The following TTN variants were observed in gnomAD, a reference collection of about 807,000 sequenced individuals.
TTN encodes the protein titin.
TTN carries 1,525 observed loss-of-function variants against 3,223.0 expected under a neutral mutation model. That is an observed-to-expected ratio of 0.47 (90% CI 0.45 to 0.49). The LOEUF (loss-of-function observed/expected upper bound fraction) is 0.49, where lower values mean the gene tolerates loss of function less well. Ranked by LOEUF, TTN falls within the 20% of genes least tolerant of loss-of-function variation. The pLI, the probability that TTN is intolerant of heterozygous loss-of-function variation, is 0.00. For missense variants in TTN, 40,786 were observed against 43,424.0 expected, an observed-to-expected ratio of 0.94 and a Z score of 5.40; for synonymous variants, 14,094 against 15,161.0, an observed-to-expected ratio of 0.93 and a Z score of 5.17.
chr2:178,664,429 T>C, intron 168 of TTN, 31 bp downstream of exon 168: 1 of 1,545,424 alleles, frequency 6.5e-7, no homozygotes, highest in Non-Finnish European at 8.9e-7. Flanking sequence ...CCACCCACTA[T>C]CCCACCATAA....
chr2:178,627,543 G>A (rs2059222631), intron 240 of TTN, among the ~76,000 whole-genome samples: 1 of 151,910 alleles, frequency 6.6e-6, no homozygotes, highest in Non-Finnish European at 1.5e-5. Context: ...AAAGGCTAAG[G>A]TATTTCGGGT....
Position 178,749,683 on chromosome 2 carries a change from T to A in TTN, c.11311+3441A>T, listed in dbSNP as rs752168350. The A allele has an allele frequency of 3.1e-6, 5 of 1,613,012 alleles. No individual in the cohort carries two copies. In the South Asian group the frequency reaches 5.5e-5, roughly 18 times the overall value. ...CTGTTAGATCTGAAACACTTTCAAC[T>A]GCCCCTGAATTGTTTTCAGCAACAC... is the stretch of plus-strand genomic sequence containing the variant. On this transcript the variant is annotated intron_variant, in intron 47 of 362. Coordinates refer to ENST00000589042, the MANE Select transcript of TTN (RefSeq NM_001267550.2).
chr2:178,763,236 A>T (rs1254734972), intron 43 of TTN, among the ~76,000 whole-genome samples: 1 of 152,224 alleles, frequency 6.6e-6, no homozygotes, highest in African/African-American at 2.4e-5. Flanking sequence ...TTCTACCAAG[A>T]TCAGATTCCT....
At chr2:178,803,110 A>G (rs931823365) in intron 2 of TTN, among the ~76,000 whole-genome samples, 1 of 152,204 alleles carries the variant, frequency 6.6e-6, no homozygotes, top group Non-Finnish European at 1.5e-5. Flanking sequence ...TTTATTTCAC[A>G]CTTGGCATAA....
Position 178,747,086 on chromosome 2 carries a change from C to T in TTN, c.11312-5165G>A, listed in dbSNP as rs146359866. 1.5e-4 allele frequency: 236 copies of T among 1,611,896 alleles called. No individual in the cohort carries two copies. Among genetic ancestry groups the T allele is most frequent in the African/African-American group, 4.3e-4 (32 of 74,810 alleles). ...TGCCTCCCCTGGGGGTGTGGAATAT[C>T]GCTCTAGAGTCTCTCCTGGGGGTGT... On this transcript the variant is annotated intron_variant, in intron 47 of 362. Coordinates refer to ENST00000589042, the MANE Select transcript of TTN (RefSeq NM_001267550.2).
In TTN at chr2:178,590,385, A is replaced by G; in HGVS notation, c.61340T>C (p.Ile20447Thr). 6.3e-7 allele frequency: 1 copy of G among 1,595,658 alleles called. No homozygotes were observed. The highest frequency in any genetic ancestry group is 8.5e-7 in the Non-Finnish European group (1 of 1,171,798). Residue 20447 changes from isoleucine (I) to threonine (T), a missense_variant, in exon 304 of 363, where the codon ATA (isoleucine) becomes ACA (threonine). By Grantham distance (89) the Ile-to-Thr change is moderately conservative (BLOSUM62 -1). Transcript: ENST00000589042. ...LIEGNEYRFR[I>T]KAANIVGEGE... ...CTCTCCTACAATATTAGCTGCCTTT[A>G]TACGGAATCTGTACTCATTTCCTTC...
chr2:178,732,318 G>T lies in TTN; in HGVS notation c.16651C>A (p.Pro5551Thr), dbSNP rs1578181149. The T allele has an allele frequency of 5.6e-6, 9 of 1,605,566 alleles. No individual in the cohort carries two copies. The highest frequency in any genetic ancestry group is 7.7e-6 in the Non-Finnish European group (9 of 1,175,180). ...EPATFVEKLE[P>T]SQLLKKGDAT... is the part of the protein sequence containing the mutation. ...TCTCCCTTCTTTAACAGCTGTGATG[G>T]CTCTAACTTTTCAACAAATGTGGCA... Residue 5551 changes from proline to threonine, a missense_variant, in exon 57 of 363, where the codon CCA becomes ACA. Physicochemically the swap from Pro to Thr is conservative, Grantham distance 38. Coordinates refer to ENST00000589042, the MANE Select transcript of TTN (RefSeq NM_001267550.2).
At chr2:178,723,796 A>G in intron 73 of TTN, 60 bp downstream of exon 73, 1 of 1,550,450 alleles carries the variant, frequency 6.4e-7, no homozygotes, top group Non-Finnish European at 8.7e-7. Flanking sequence ...TTGTCAACAT[A>G]GATGTGCACC....
chr2:178,570,608 A>G lies in TTN; in HGVS notation c.75524T>C (p.Val25175Ala), dbSNP rs1231900798. The change falls in exon 326 of 363, where the codon GTA becomes GCA. Residue 25175 changes from valine to alanine, a missense_variant. By Grantham distance (64) the Val-to-Ala change is moderately conservative. Transcript: ENST00000589042. Reference protein sequence around the residue: ...FATSLSVKDAVRVDSGNYILK... With the variant: ...FATSLSVKDAARVDSGNYILK... ...TATGTAATTTCCACTGTCGACACGT[A>G]CTGCATCTTTTACACTGAGACTGGT... 1 of 1,613,322 alleles carries G rather than the reference A, an allele frequency of 6.2e-7. No homozygotes were observed. Among genetic ancestry groups the G allele is most frequent in the Non-Finnish European group, 8.5e-7 (1 of 1,179,630 alleles).
Position 178,564,810 on chromosome 2 carries a change from G to C in TTN, c.81322C>G (p.His27108Asp). 6.2e-7 allele frequency: 1 copy of C among 1,612,808 alleles called. No individual in the cohort carries two copies. The highest frequency in any genetic ancestry group is 8.5e-7 in the Non-Finnish European group (1 of 1,179,366). The change falls in exon 326 of 363, where the codon CAT becomes GAT. Residue 27108 changes from histidine to aspartate, a missense_variant. Coordinates refer to ENST00000589042, the MANE Select transcript of TTN (RefSeq NM_001267550.2). ...CTGTTCTTTTCTTTCTGTTCAAGAT[G>C]GTAGCCAATAATTTTGGTGCCTCCA... is the stretch of plus-strand genomic sequence containing the variant. ...NDGGTKIIGY[H>D]LEQKEKNSIL... is the part of the protein sequence containing the mutation.
In TTN at chr2:178,530,886, G is replaced by A; in HGVS notation, c.105729C>T (p.Ser35243=). The A allele has an allele frequency of 6.2e-7, 1 of 1,613,564 alleles. No homozygotes were observed. Among genetic ancestry groups the A allele is most frequent in the Non-Finnish European group, 8.5e-7 (1 of 1,179,824 alleles). The change falls in exon 358 of 363, where the codon TCC becomes TCT. Residue 35243 remains serine (S), a synonymous_variant. Coordinates refer to ENST00000589042, the MANE Select transcript of TTN (RefSeq NM_001267550.2). ...GTTTTGGAGACTTAACTGCTTCTGG[G>A]GATTTCACCCGAGGCTCTGGGGATT... The part of the protein sequence containing the change: ...RVKSPEPRVK[S]PEAVKSPKRV...
Position 178,624,516 on chromosome 2 carries a change from A to G in TTN, c.44764T>C (p.Tyr14922His). The G allele has an allele frequency of 1.2e-6, 2 of 1,612,738 alleles. No individual in the cohort carries two copies. The highest frequency in any genetic ancestry group is 1.7e-6 in the Non-Finnish European group (2 of 1,179,136). ...TTAAAATCCTTAGCATCACAAGTGTATGTTTTAATATCCTCTGGGGTACAG... is the reference window on the plus strand; with the variant it reads ...TTAAAATCCTTAGCATCACAAGTGTGTGTTTTAATATCCTCTGGGGTACAG... ...HDCTPEDIKT[Y>H]TCDAKDFKTS... The change falls in exon 242 of 363, where the codon TAC (tyrosine) becomes CAC (histidine). Residue 14922 changes from tyrosine to histidine, a missense_variant. By Grantham distance (83) the Tyr-to-His change is moderately conservative. Coordinates refer to ENST00000589042, the MANE Select transcript of TTN (RefSeq NM_001267550.2).
Position 178,663,866 on chromosome 2 carries a change from T to TA in TTN, c.36400_36401insT (p.Lys12134IlefsTer8). 1 of 1,613,412 alleles carries TA rather than the reference T, an allele frequency of 6.2e-7. No individual in the cohort carries two copies. The highest frequency in any genetic ancestry group is 8.5e-7 in the Non-Finnish European group (1 of 1,179,818). On this transcript the variant is annotated frameshift_variant, in exon 170 of 363. Transcript: ENST00000589042. LOFTEE classifies it high-confidence loss of function. ...CTCTTTAGGAGGAGCCAAGGGCACT[T>TA]TCTCTTCGCGGATAACCTCTTTGGA...
In TTN at chr2:178,651,985, C is replaced by A. The variant is rs748134833; in HGVS notation, c.39296-18G>T. 3.4e-5 allele frequency: 55 copies of A among 1,610,582 alleles called. No homozygotes were observed. The Admixed American group carries it at 5.9e-4, about 17-fold the overall frequency. On this transcript the variant is annotated intron_variant, in intron 204 of 362. Transcript: ENST00000589042. ...CTCGAACACTTTAAAGACATGAGCTCATTTTAATGCCAGAATTGACTAAAA... is the reference window on the plus strand; with the variant it reads ...CTCGAACACTTTAAAGACATGAGCTAATTTTAATGCCAGAATTGACTAAAA...
At chr2:178,721,304 TTTG>T (rs1483399435) in intron 78 of TTN, 102 bp from the exon 79 acceptor site, 1 of 1,059,880 alleles carries the variant, frequency 9.4e-7, no homozygotes, top group Non-Finnish European at 1.2e-6. Flanking sequence ...TTTAAACTGG[TTTG>T]TTATTAAGAA....
Position 178,727,774 on chromosome 2 carries a change from G to A in TTN, c.19804C>T (p.Pro6602Ser). ...TCCTTAAACCATTTTATTTTAAATGGTGGTGTTCCTTTTAGTATTGCCTTA... is the reference window on the plus strand; with the variant it reads ...TCCTTAAACCATTTTATTTTAAATGATGGTGTTCCTTTTAGTATTGCCTTA... ...EFKAILKGTPPFKIKWFKDDV... is the reference protein window; with the variant it reads ...EFKAILKGTPSFKIKWFKDDV... Residue 6602 changes from proline to serine, a missense_variant, in exon 68 of 363, where the codon CCA becomes TCA. By Grantham distance (74) the Pro-to-Ser change is moderately conservative. Coordinates refer to ENST00000589042, the MANE Select transcript of TTN (RefSeq NM_001267550.2). 6.2e-7 allele frequency: 1 copy of A among 1,613,234 alleles called. No individual in the cohort carries two copies. Among genetic ancestry groups the A allele is most frequent in the Non-Finnish European group, 8.5e-7 (1 of 1,179,412 alleles).
At chr2:178,772,565 G>C (rs564311197) in intron 33 of TTN, among the ~76,000 whole-genome samples, 1 of 152,196 alleles carries the variant, frequency 6.6e-6, no homozygotes, top group African/African-American at 2.4e-5. Flanking sequence ...GCTGTATTTT[G>C]AAAATATTTA....
In TTN at chr2:178,599,655, A is replaced by G. The variant is rs2052744702; in HGVS notation, c.56246T>C (p.Leu18749Ser). 1 of 1,612,962 alleles carries G rather than the reference A, an allele frequency of 6.2e-7. No individual in the cohort carries two copies. Among genetic ancestry groups the G allele is most frequent in the Non-Finnish European group, 8.5e-7 (1 of 1,179,336 alleles). Residue 18749 changes from leucine to serine, a missense_variant, in exon 289 of 363, where the codon TTA becomes TCA. Leu to Ser is a moderately radical substitution (Grantham distance 145). Coordinates refer to ENST00000589042, the MANE Select transcript of TTN (RefSeq NM_001267550.2). ...NKLVVDDTCT[L>S]VIPQSRRSDT... The stretch of plus-strand genomic sequence containing the variant: ...ACTCCTGCGAGACTGCGGAATAACT[A>G]AAGTGCAAGTATCATCTACCACCAG...
intron 47 of TTN, chr2:178,747,951 G>A: frequency 4.3e-6 from 7 of 1,612,986 alleles, no homozygotes; most frequent in Non-Finnish European, 5.9e-6. Context: ...TCAGCTTCCT[G>A]AACATCACCT....
Sources: allele counts gnomAD v4.1 joint callset (sites outside exome capture counted in the v4.1 genomes callset), GRCh38; gene constraint gnomAD v4.1.1; transcripts MANE v1.5; gene names NCBI Gene and HGNC (gene_info 2026-07-23, HGNC 2026-07-21).